ARHGEF7: variants seen among roughly 807,000 people sequenced by gnomAD.
The protein encoded by ARHGEF7 is PAK-interacting exchange factor beta.
In ARHGEF7, 33 loss-of-function variants were observed where a neutral mutation model predicts 109.8. The ratio of observed to expected loss-of-function variants is 0.30; its 90% CI spans 0.23 to 0.40. The LOEUF (loss-of-function observed/expected upper bound fraction) is 0.40. Ranked by LOEUF, ARHGEF7 falls within the 10% of genes least tolerant of loss-of-function variation. The pLI, the probability that ARHGEF7 is intolerant of heterozygous loss-of-function variation, is 1.00. For missense variants in ARHGEF7, 938 were observed against 1,098.5 expected (o/e 0.85, Z 2.07); for synonymous variants, 458 against 424.6 (o/e 1.08, Z -0.97).
intron 2 of ARHGEF7, among the ~76,000 whole-genome samples, chr13:111,182,888 A>G (rs182624742): frequency 6.6e-6 from 1 of 152,342 alleles, no homozygotes; most frequent in East Asian, 1.9e-4. Flanking sequence ...AGTATTCAGT[A>G]CGTCACATGA....
rs1394947756 is a variant in ARHGEF7, at chr13:111,136,842, C to T, written c.166-17063C>T. 3.3e-5 allele frequency among the ~76,000 whole-genome samples: 5 copies of T among 151,992 alleles called. No homozygotes were observed. In the South Asian group the frequency reaches 8.3e-4, roughly 25 times the overall value. ...GAAAAGATCAACAAAATTGATGGACCGCTAGCAAGACTAATAAAGAAGAAA... is the reference window on the plus strand; with the variant it reads ...GAAAAGATCAACAAAATTGATGGACTGCTAGCAAGACTAATAAAGAAGAAA... On this transcript the variant is annotated intron_variant, in intron 1 of 21. Coordinates refer to ENST00000646102, the MANE Select transcript of ARHGEF7 (RefSeq NM_001354046.2).
chr13:111,227,609 T>C (rs929016902), intron 5 of ARHGEF7, among the ~76,000 whole-genome samples: 2 of 152,216 alleles, frequency 1.3e-5, no homozygotes, highest in Non-Finnish European at 2.9e-5. Context: ...GGAAACAAAT[T>C]TGTGTGACTC....
chr13:111,150,081 T>C (rs1010045112), intron 1 of ARHGEF7, among the ~76,000 whole-genome samples: 3 of 152,204 alleles, frequency 2.0e-5, no homozygotes, highest in African/African-American at 7.2e-5. Context: ...CCTTAGGAGT[T>C]TGTCTTTTGC....
At chr13:111,123,319 C>T (rs2067319970) in intron 1 of ARHGEF7, among the ~76,000 whole-genome samples, 1 of 152,182 alleles carries the variant, frequency 6.6e-6, no homozygotes, top group South Asian at 2.1e-4. Context: ...GCTAGGCCAT[C>T]CTGGACCTAT....
intron 3 of ARHGEF7, among the ~76,000 whole-genome samples, chr13:111,206,835 A>G (rs913467541): frequency 1.3e-5 from 2 of 151,418 alleles, no homozygotes; most frequent in African/African-American, 4.9e-5. Flanking sequence ...GGTGGCGGGC[A>G]CCTGTAGTCC....
chr13:111,242,281 G>A (rs977023532), intron 6 of ARHGEF7, among the ~76,000 whole-genome samples: 2 of 152,242 alleles, frequency 1.3e-5, no homozygotes, highest in South Asian at 2.1e-4. Context: ...AGGAATGACT[G>A]TATTCCTTTC....
rs1411883268 is a variant in ARHGEF7, at chr13:111,145,423, C to T, written c.166-8482C>T. Among the ~76,000 whole-genome samples the T allele has an allele frequency of 6.6e-6, 1 of 152,070 alleles. No homozygotes were observed. The highest frequency in any genetic ancestry group is 6.6e-5 in the Admixed American group (1 of 15,264). ...AGAAAAGTCATTAACTCTCCCTGAC[C>T]CCGAAGCGAAAGGTCAAGGGAAGGA... On this transcript the variant is annotated intron_variant, in intron 1 of 21. Transcript: ENST00000646102. This position sits in a 1 kb window ranked among gnomAD's most constrained non-coding sequence, Gnocchi z 4.3.
At chr13:111,154,870 G>C (rs1449817583) in intron 2 of ARHGEF7, among the ~76,000 whole-genome samples, 4 of 151,966 alleles carry the variant, frequency 2.6e-5, no homozygotes, top group African/African-American at 9.7e-5. Flanking sequence ...CTTAACCTTA[G>C]TTTTCTTATC....
rs1484778903 is a variant in ARHGEF7 at position 111,273,738 on chromosome 13, T to C, written c.1074-76T>C. 6.3e-7 allele frequency: 1 copy of C among 1,579,832 alleles called. No homozygotes were observed. The highest frequency in any genetic ancestry group is 1.3e-5 in the African/African-American group (1 of 74,180). The stretch of plus-strand genomic sequence containing the variant: ...CTTATGTTTCATAAATTCTGGCTGT[T>C]GCTCATGGAGATGAGAGAGCCACCA... On this transcript the variant is annotated intron_variant, in intron 9 of 21. Coordinates refer to ENST00000646102, the MANE Select transcript of ARHGEF7 (RefSeq NM_001354046.2). The surrounding 1 kb of genome is among the most constrained non-coding windows in gnomAD (Gnocchi z 4.5).
At chr13:111,151,604 C>T (rs1217790310) in intron 1 of ARHGEF7, among the ~76,000 whole-genome samples, 1 of 152,212 alleles carries the variant, frequency 6.6e-6, no homozygotes, top group East Asian at 1.9e-4. Flanking sequence ...GGAGCAGCCT[C>T]ATGTACAGAT....
At chr13:111,200,932 A>G (rs2081143725) in intron 2 of ARHGEF7, among the ~76,000 whole-genome samples, 1 of 152,136 alleles carries the variant, frequency 6.6e-6, no homozygotes, top group Non-Finnish European at 1.5e-5. Context: ...GACATGGTAA[A>G]GACAATGGGG....
chr13:111,277,923 G>A (rs1347070578), intron 13 of ARHGEF7, among the ~76,000 whole-genome samples: 1 of 152,196 alleles, frequency 6.6e-6, no homozygotes, highest in Non-Finnish European at 1.5e-5. Flanking sequence ...GACTACTGTG[G>A]CACAAGTCAG....
chr13:111,117,209 A>G (rs957613998), intron 1 of ARHGEF7, among the ~76,000 whole-genome samples: 1 of 152,262 alleles, frequency 6.6e-6, no homozygotes, highest in African/African-American at 2.4e-5. Context: ...TGTCGCCATC[A>G]AAGAATATGT....
intron 2 of ARHGEF7, among the ~76,000 whole-genome samples, chr13:111,192,131 G>A (rs1402321515): frequency 2.6e-5 from 4 of 152,188 alleles, no homozygotes; most frequent in African/African-American, 9.7e-5. Flanking sequence ...GTGGTTCGCA[G>A]GTGTATCAAG....
At chr13:111,234,724 CT>C (rs533835709) in intron 6 of ARHGEF7, among the ~76,000 whole-genome samples, 1 of 152,198 alleles carries the variant, frequency 6.6e-6, no homozygotes, top group Non-Finnish European at 1.5e-5. Flanking sequence ...TGCTTCCCCT[CT>C]TTCTTCCCTT....
At chr13:111,299,053 C>T (rs946759787) in intron 19 of ARHGEF7, among the ~76,000 whole-genome samples, 4 of 152,138 alleles carry the variant, frequency 2.6e-5, no homozygotes, top group Non-Finnish European at 5.9e-5. Flanking sequence ...TTCTTATGCC[C>T]GCGAGGATGA....
At chr13:111,173,981 G>C (rs1482249016) in intron 2 of ARHGEF7, among the ~76,000 whole-genome samples, 1 of 152,162 alleles carries the variant, frequency 6.6e-6, no homozygotes, top group Non-Finnish European at 1.5e-5. Flanking sequence ...AGACAAATTT[G>C]TGATCTCCGA....
intron 13 of ARHGEF7, 128 bp from the exon 14 acceptor site, chr13:111,280,144 C>G (rs2092703792): frequency 1.1e-6 from 1 of 937,916 alleles, no homozygotes. Flanking sequence ...TACAAATGAG[C>G]TTTTTTTGGT....
chr13:111,242,617 A>G (rs1409196621), intron 6 of ARHGEF7, among the ~76,000 whole-genome samples: 1 of 152,210 alleles, frequency 6.6e-6, no homozygotes, highest in Non-Finnish European at 1.5e-5. Context: ...CGGGTGAAAA[A>G]GAATGGAGGC....
Sources: allele counts gnomAD v4.1 joint callset (sites outside exome capture counted in the v4.1 genomes callset), GRCh38; gene constraint gnomAD v4.1.1; non-coding constraint Gnocchi (gnomAD v3.1); transcripts MANE v1.5; gene names NCBI Gene and HGNC (gene_info 2026-07-23, HGNC 2026-07-21).